The following RAB3GAP2 variants were observed in gnomAD, a reference collection of about 807,000 sequenced individuals.
RAB3GAP2 encodes RAB3 GTPase activating non-catalytic protein subunit 2.
In RAB3GAP2, 87 loss-of-function variants were observed where a neutral mutation model predicts 185.3. The observed-to-expected ratio is 0.47, with a 90% confidence interval of 0.39 to 0.56. RAB3GAP2 has a LOEUF of 0.56. Ranked by LOEUF, RAB3GAP2 falls within the 20% of genes least tolerant of loss-of-function variation. The probability of loss-of-function intolerance (pLI) is 0.00; values close to 1 mark genes in which losing one functional copy is unlikely to be tolerated. For missense variants in RAB3GAP2, 1,492 were observed against 1,638.2 expected (o/e 0.91, Z 1.54); for synonymous variants, 554 against 576.1 (o/e 0.96, Z 0.55).
In RAB3GAP2 at chr1:220,186,624, A is replaced by G. The variant is rs1468520601; in HGVS notation, c.1780-883T>C. On this transcript the variant is annotated intron_variant, in intron 17 of 34. Coordinates refer to ENST00000358951, the MANE Select transcript of RAB3GAP2 (RefSeq NM_012414.4). ...TAGCAGCTAGCTTGTTTTCTTCCCC[A>G]TTATTCAACAGTCTCCCAAAGCCTG... Among the ~76,000 whole-genome samples, 5 of 152,208 alleles carry G rather than the reference A, an allele frequency of 3.3e-5. 1 individual carries two copies. In the South Asian group the frequency reaches 1.0e-3, roughly 32 times the overall value.
chr1:220,174,019 C>CA (rs398050108), intron 21 of RAB3GAP2, among the ~76,000 whole-genome samples: 2,913 of 50,218 alleles, frequency 0.058, 54 homozygotes, highest in African/African-American at 0.078. Context: ...GACTCTGTCT[C>CA]AAAAAAAAAA....
At chr1:220,227,607 T>C (rs1329243607) in intron 2 of RAB3GAP2, among the ~76,000 whole-genome samples, 1 of 152,216 alleles carries the variant, frequency 6.6e-6, no homozygotes, top group African/African-American at 2.4e-5. Flanking sequence ...GTGGCTTATC[T>C]ACACACTACT....
intron 1 of RAB3GAP2, among the ~76,000 whole-genome samples, chr1:220,238,033 G>A (rs1186385632): frequency 2.0e-5 from 3 of 152,040 alleles, no homozygotes; most frequent in East Asian, 1.9e-4. Context: ...AAAATCTGAT[G>A]AGTGTTTTTT....
At chr1:220,163,005 A>C (rs1410826138) in intron 27 of RAB3GAP2, among the ~76,000 whole-genome samples, 2 of 152,202 alleles carry the variant, frequency 1.3e-5, no homozygotes, top group Non-Finnish European at 2.9e-5. Context: ...AAAATTAGGC[A>C]TGGTGGCACA....
chr1:220,182,994 A>G, intron 19 of RAB3GAP2, 63 bp from the exon 20 acceptor site: 10 of 1,397,190 alleles, frequency 7.2e-6, no homozygotes, highest in Non-Finnish European at 1.0e-5. Flanking sequence ...ATCTGAACTG[A>G]AATTCAAGGC....
chr1:220,250,831 G>A (rs776412012), intron 1 of RAB3GAP2, among the ~76,000 whole-genome samples: 2 of 152,144 alleles, frequency 1.3e-5, no homozygotes, highest in African/African-American at 2.4e-5. Flanking sequence ...TCTCCTTCTT[G>A]CCACTATGTG....
intron 1 of RAB3GAP2, among the ~76,000 whole-genome samples, chr1:220,235,011 A>G (rs564508119): frequency 3.3e-5 from 5 of 152,114 alleles, no homozygotes; most frequent in Admixed American, 3.3e-4. Context: ...GGAGAGTTTA[A>G]GTAGTTCGAC....
intron 1 of RAB3GAP2, among the ~76,000 whole-genome samples, chr1:220,242,535 A>T (rs1338002403): frequency 6.6e-6 from 1 of 152,178 alleles, no homozygotes; most frequent in Non-Finnish European, 1.5e-5. Flanking sequence ...CAATTAATAC[A>T]GATACAAGCC....
chr1:220,271,788 T>C (rs984602906), intron 1 of RAB3GAP2, among the ~76,000 whole-genome samples: 8 of 151,534 alleles, frequency 5.3e-5, no homozygotes, highest in Non-Finnish European at 1.5e-5. Context: ...GCTGGGGCAA[T>C]ACCAGAGTGG....
intron 17 of RAB3GAP2, among the ~76,000 whole-genome samples, chr1:220,187,141 T>C (rs1658521268): frequency 6.6e-6 from 1 of 152,220 alleles, no homozygotes; most frequent in African/African-American, 2.4e-5. Context: ...AATTCTCCCA[T>C]GTATGTAGCT....
intron 1 of RAB3GAP2, among the ~76,000 whole-genome samples, chr1:220,252,448 A>G (rs2808011): frequency 0.46 from 69,338 of 152,038 alleles, 17,883 homozygotes; most frequent in African/African-American, 0.71. Flanking sequence ...TTATGGAGAG[A>G]AATGAAAAGG....
At position 220,168,821 on chromosome 1, in the gene RAB3GAP2, C is replaced by T. The variant is rs530181218; in HGVS notation, c.2807-1146G>A. On this transcript the variant is annotated intron_variant, in intron 24 of 34. Coordinates refer to ENST00000358951, the MANE Select transcript of RAB3GAP2 (RefSeq NM_012414.4). ...AATATAGTACAAAAAATTGTAAACA[C>T]GCTGAAAAACGTTCCAGATATTTAA... Among the ~76,000 whole-genome samples the T allele has an allele frequency of 5.9e-5, 9 of 152,292 alleles. No homozygotes were observed. The East Asian group carries it at 9.6e-4, about 16-fold the overall frequency.
At chr1:220,215,362 C>T (rs1365144447) in intron 2 of RAB3GAP2, among the ~76,000 whole-genome samples, 1 of 152,000 alleles carries the variant, frequency 6.6e-6, no homozygotes, top group East Asian at 1.9e-4. Flanking sequence ...TTTTCACAGG[C>T]ATTTCAAAAA....
At chr1:220,171,478 AC>A (rs1420833138) in intron 23 of RAB3GAP2, among the ~76,000 whole-genome samples, 1 of 152,226 alleles carries the variant, frequency 6.6e-6, no homozygotes, top group African/African-American at 2.4e-5. Flanking sequence ...AACCTAAAAA[AC>A]AATCTGAAAT....
At chr1:220,240,192 T>C (rs144100014) in intron 1 of RAB3GAP2, among the ~76,000 whole-genome samples, 44 of 152,268 alleles carry the variant, frequency 2.9e-4, no homozygotes, top group African/African-American at 1.0e-3. Context: ...TTCACATCCA[T>C]AGGAGACGTT....
At chr1:220,252,244 T>C (rs1045774792) in intron 1 of RAB3GAP2, among the ~76,000 whole-genome samples, 1 of 150,950 alleles carries the variant, frequency 6.6e-6, no homozygotes, top group Non-Finnish European at 1.5e-5. Flanking sequence ...AAGATATAGA[T>C]ATTATATAAT....
chr1:220,201,535 T>C (rs1658858188), intron 9 of RAB3GAP2, among the ~76,000 whole-genome samples: 1 of 152,170 alleles, frequency 6.6e-6, no homozygotes, highest in Non-Finnish European at 1.5e-5. Flanking sequence ...AGTCTCGCTC[T>C]GTCACCCAGG....
chr1:220,151,648 A>T lies in RAB3GAP2; in HGVS notation c.3984T>A (p.Leu1328=), dbSNP rs760189484. 1 of 1,612,214 alleles carries T rather than the reference A, an allele frequency of 6.2e-7. No homozygotes were observed. The highest frequency in any genetic ancestry group is 2.2e-5 in the East Asian group (1 of 44,854). ...TACACAGTGTGGGTGGAAGTCTGGCAAGCAGCTCCATTCCTTCTTTTGTCT... is the reference window on the plus strand; with the variant it reads ...TACACAGTGTGGGTGGAAGTCTGGCTAGCAGCTCCATTCCTTCTTTTGTCT... ...HTQTKEGMEL[L]ARLPPTLCTW... The change falls in exon 34 of 35, where the codon CTT becomes CTA. Residue 1328 remains leucine, a synonymous_variant. Transcript: ENST00000358951.
intron 13 of RAB3GAP2, among the ~76,000 whole-genome samples, chr1:220,192,097 TAA>T (rs977376070): frequency 6.6e-6 from 1 of 152,208 alleles, no homozygotes; most frequent in Non-Finnish European, 1.5e-5. Context: ...ATGCAAGGAA[TAA>T]GATTGCCATA....
Sources: gnomAD v4.1 joint callset for allele counts (sites outside exome capture counted in the v4.1 genomes callset) on GRCh38, gnomAD v4.1.1 for gene constraint, MANE v1.5 for transcripts, NCBI Gene and HGNC (gene_info 2026-07-23, HGNC 2026-07-21) for gene names.